EXT1: variants seen among roughly 807,000 people sequenced by gnomAD.
The protein encoded by EXT1 is exostosin glycosyltransferase 1.
A neutral mutation model predicts 82.5 loss-of-function variants in EXT1; 20 were observed. The ratio of observed to expected loss-of-function variants is 0.24; its 90% CI spans 0.17 to 0.35. EXT1 has a LOEUF of 0.35. Among genes scored for constraint, EXT1 ranks in the 10% least tolerant of loss-of-function variants. The pLI, the probability that EXT1 is intolerant of heterozygous loss-of-function variation, is 1.00. For synonymous variants in EXT1, 348 were observed against 350.8 expected, an observed-to-expected ratio of 0.99 and a Z score of 0.09; for missense variants, 757 against 936.5, an observed-to-expected ratio of 0.81 and a Z score of 2.50.
intron 1 of EXT1, among the ~76,000 whole-genome samples, chr8:118,097,961 G>A (rs1291061454): frequency 6.6e-6 from 1 of 152,166 alleles, no homozygotes; most frequent in Non-Finnish European, 1.5e-5. Context: ...GAAGTCAGAT[G>A]CAGCTGGGTG....
At chr8:118,007,253 C>A (rs941354729) in intron 1 of EXT1, among the ~76,000 whole-genome samples, 1 of 151,784 alleles carries the variant, frequency 6.6e-6, no homozygotes, top group Non-Finnish European at 1.5e-5. Flanking sequence ...GCTGAGATCG[C>A]GCCACTGCAC....
At chr8:117,957,101 G>A (rs990147244) in intron 1 of EXT1, among the ~76,000 whole-genome samples, 6 of 152,164 alleles carry the variant, frequency 3.9e-5, no homozygotes, top group African/African-American at 1.4e-4. Context: ...TTGTGTCTTG[G>A]CGACAGCACT....
intron 1 of EXT1, among the ~76,000 whole-genome samples, chr8:118,085,698 A>G (rs1326717051): frequency 6.6e-6 from 1 of 151,200 alleles, no homozygotes; most frequent in Non-Finnish European, 1.5e-5. Context: ...TATCTATCCT[A>G]TGTTACTCGT....
At chr8:118,026,528 G>A (rs1816205782) in intron 1 of EXT1, among the ~76,000 whole-genome samples, 1 of 152,028 alleles carries the variant, frequency 6.6e-6, no homozygotes. Flanking sequence ...TTCGCCCTGA[G>A]ATAGCAATCA....
intron 1 of EXT1, among the ~76,000 whole-genome samples, chr8:117,858,810 CAGGAAGGA>C (rs71307408): frequency 2.9e-5 from 1 of 34,384 alleles, no homozygotes; most frequent in East Asian, 9.0e-4. Context: ...CAAGGCAAGG[CAGGAAGGA>C]AGGAAGGAAG....
In EXT1 at chr8:118,111,553, T is replaced by G; in HGVS notation, c.-507A>C. The G allele has an allele frequency of 2.3e-6, 1 of 438,076 alleles. No homozygotes were observed. The allele number at this position is 438,076 out of a possible 1,614,324, so 27.1% of individuals were successfully genotyped here. ...TCAGCCGATCCCGGGTTCAGCCGGC[T>G]AGTGCATCTTGCAGCTGGGGCGCCG... On this transcript the variant is annotated 5_prime_UTR_variant, in exon 1 of 11. The change abolishes the stop of an existing upstream ORF in the 5' untranslated region. Coordinates refer to ENST00000378204, the MANE Select transcript of EXT1 (RefSeq NM_000127.3).
chr8:117,840,882 C>T (rs985386436), intron 1 of EXT1, among the ~76,000 whole-genome samples: 1 of 152,184 alleles, frequency 6.6e-6, no homozygotes, highest in African/African-American at 2.4e-5. Context: ...TTTACACCCA[C>T]TGGGATGGCT....
intron 1 of EXT1, among the ~76,000 whole-genome samples, chr8:117,913,074 A>G (rs1813680705): frequency 1.3e-5 from 2 of 152,056 alleles, no homozygotes; most frequent in South Asian, 4.2e-4. Context: ...AAATACAAAA[A>G]TTAGCTGGGT....
At chr8:117,805,127 C>A in intron 9 of EXT1, among the ~76,000 whole-genome samples, 1 of 152,250 alleles carries the variant, frequency 6.6e-6, no homozygotes, top group African/African-American at 2.4e-5. Flanking sequence ...AAGGAGCCTA[C>A]AAGGCAGGTT....
chr8:118,044,715 T>A (rs1406849189), intron 1 of EXT1, among the ~76,000 whole-genome samples: 1 of 152,128 alleles, frequency 6.6e-6, no homozygotes, highest in East Asian at 1.9e-4. Flanking sequence ...CTGATTTTAT[T>A]TTTTATAGAG....
chr8:117,966,236 G>A (rs897094188), intron 1 of EXT1, among the ~76,000 whole-genome samples: 3 of 152,140 alleles, frequency 2.0e-5, no homozygotes, highest in Non-Finnish European at 2.9e-5. Flanking sequence ...ATTCCAAAAC[G>A]AGGATTCTTT....
chr8:117,956,773 T>C (rs937296282), intron 1 of EXT1, among the ~76,000 whole-genome samples: 8 of 152,116 alleles, frequency 5.3e-5, no homozygotes, highest in Non-Finnish European at 1.0e-4. Context: ...AATGGACATA[T>C]ATTCCAAGGA....
chr8:117,997,164 C>T (rs1815553990), intron 1 of EXT1, among the ~76,000 whole-genome samples: 1 of 151,644 alleles, frequency 6.6e-6, no homozygotes, highest in African/African-American at 2.4e-5. Flanking sequence ...GAGTCTTCTT[C>T]TGCATGTCTG....
chr8:118,091,609 G>A (rs936822953), intron 1 of EXT1, among the ~76,000 whole-genome samples: 1 of 152,122 alleles, frequency 6.6e-6, no homozygotes, highest in Non-Finnish European at 1.5e-5. Flanking sequence ...GCCGGGCATG[G>A]TGGCGGGCAC....
chr8:117,970,975 T>C (rs998701694), intron 1 of EXT1, among the ~76,000 whole-genome samples: 2 of 152,122 alleles, frequency 1.3e-5, no homozygotes, highest in East Asian at 3.9e-4. Context: ...CCTAGCATGA[T>C]TCTTGGCACA....
At chr8:117,971,266 C>G (rs1250139224) in intron 1 of EXT1, among the ~76,000 whole-genome samples, 1 of 152,164 alleles carries the variant, frequency 6.6e-6, no homozygotes, top group Non-Finnish European at 1.5e-5. Context: ...TTTATTACTC[C>G]TCTCCCACAA....
At chr8:118,090,916 T>C (rs1389231657) in intron 1 of EXT1, among the ~76,000 whole-genome samples, 1 of 148,398 alleles carries the variant, frequency 6.7e-6, no homozygotes, top group African/African-American at 2.5e-5. Flanking sequence ...GTACCACAGG[T>C]GGTTGGCTGA....
intron 1 of EXT1, among the ~76,000 whole-genome samples, chr8:118,085,885 A>T (rs569160760): frequency 5.3e-5 from 8 of 152,250 alleles, no homozygotes; most frequent in Non-Finnish European, 1.2e-4. Flanking sequence ...TTCAAGCACC[A>T]GAAAAATAAA....
intron 1 of EXT1, among the ~76,000 whole-genome samples, chr8:118,087,096 CCCA>C (rs1817434974): frequency 1.3e-5 from 2 of 152,156 alleles, no homozygotes; most frequent in Non-Finnish European, 2.9e-5. Flanking sequence ...AAGGCTCGTG[CCCA>C]GCGCTGGATA....
Sources: allele counts gnomAD v4.1 joint callset (sites outside exome capture counted in the v4.1 genomes callset), GRCh38; gene constraint gnomAD v4.1.1; transcripts MANE v1.5; gene names NCBI Gene and HGNC (gene_info 2026-07-23, HGNC 2026-07-21).